Variants in FRMD3 observed in about 807,000 individuals in gnomAD.
The protein encoded by FRMD3 is FERM domain containing 3, also known as FERM domain-containing protein 3.
In FRMD3, 33 loss-of-function variants were observed where a neutral mutation model predicts 70.2. The observed-to-expected ratio is 0.47, with a 90% CI of 0.36 to 0.63. The LOEUF (loss-of-function observed/expected upper bound fraction) is 0.63. Ranked by LOEUF, FRMD3 falls within the 20% of genes least tolerant of loss-of-function variation. The pLI, the probability that FRMD3 is intolerant of heterozygous loss-of-function variation, is 0.00. For synonymous variants in FRMD3, 279 were observed against 255.9 expected, an observed-to-expected ratio of 1.09 and a Z score of -0.86; for missense variants, 632 against 711.4, an observed-to-expected ratio of 0.89 and a Z score of 1.27.
chr9:83,583,403 C>T, the FRMD3 span, among the ~76,000 whole-genome samples: 3 of 152,062 alleles, frequency 2.0e-5, no homozygotes, highest in Admixed American at 6.6e-5. Flanking sequence ...ATGCAAAAGC[C>T]TTCCCCCTGC....
intron 1 of FRMD3, among the ~76,000 whole-genome samples, chr9:83,525,010 C>G (rs1394508087): frequency 1.3e-5 from 2 of 152,134 alleles, no homozygotes. Context: ...TGTTTGTCCT[C>G]TCTTCTATTA....
At chr9:83,555,349 T>C in the FRMD3 span, among the ~76,000 whole-genome samples, 1 of 149,162 alleles carries the variant, frequency 6.7e-6, no homozygotes, top group African/African-American at 2.5e-5. Flanking sequence ...TGGGAGGTCC[T>C]ACCCAGTGAG....
intron 2 of FRMD3, among the ~76,000 whole-genome samples, chr9:83,383,105 C>A (rs1225274909): frequency 2.6e-5 from 4 of 152,140 alleles, no homozygotes; most frequent in Non-Finnish European, 5.9e-5. Flanking sequence ...GGGAGAGGAC[C>A]CCTGAGCCCT....
Position 83,529,659 on chromosome 9 carries a change from T to G in FRMD3, c.147+8426A>C, listed in dbSNP as rs144042998. 2.7e-3 allele frequency among the ~76,000 whole-genome samples: 409 copies of G among 152,310 alleles called. 1 individual carries two copies. Among genetic ancestry groups the G allele is most frequent in the African/African-American group, 9.5e-3 (393 of 41,562 alleles). On this transcript the variant is annotated intron_variant, in intron 1 of 13. Transcript: ENST00000304195. ...ACAAAAATTATATATAAATTGGACT[T>G]TATCAAAATTAAAAGCTTTTTTGAC...
chr9:83,499,465 A>G (rs1829015298), intron 1 of FRMD3, among the ~76,000 whole-genome samples: 2 of 152,212 alleles, frequency 1.3e-5, no homozygotes, highest in South Asian at 4.1e-4. Flanking sequence ...TGGGACCCAG[A>G]AACAGAATGC....
chr9:83,495,361 G>A (rs578042105), intron 1 of FRMD3, among the ~76,000 whole-genome samples: 5 of 152,292 alleles, frequency 3.3e-5, no homozygotes, highest in African/African-American at 4.8e-5. Context: ...AGTGGAAGTC[G>A]CTGGTGCCCT....
intron 3 of FRMD3, among the ~76,000 whole-genome samples, chr9:83,351,586 ATTTATC>A (rs1436931175): frequency 6.6e-6 from 1 of 152,178 alleles, no homozygotes; most frequent in Non-Finnish European, 1.5e-5. Flanking sequence ...ATACAAAATA[ATTTATC>A]TTTAAACATT....
intron 1 of FRMD3, among the ~76,000 whole-genome samples, chr9:83,525,811 TAACA>T (rs759025025): frequency 1.6e-4 from 24 of 152,082 alleles, no homozygotes; most frequent in Non-Finnish European, 3.1e-4. Context: ...GAGAGTTGCC[TAACA>T]AAGGAAAAAC....
intron 1 of FRMD3, among the ~76,000 whole-genome samples, chr9:83,522,096 T>C (rs977403116): frequency 5.9e-5 from 9 of 152,186 alleles, no homozygotes; most frequent in African/African-American, 2.2e-4. Flanking sequence ...TCACATTTTA[T>C]AGCAAGATAC....
intron 3 of FRMD3, among the ~76,000 whole-genome samples, chr9:83,371,604 G>A (rs941523533): frequency 6.6e-6 from 1 of 152,130 alleles, no homozygotes; most frequent in South Asian, 2.1e-4. Flanking sequence ...GCGTGAGCCT[G>A]GCCCGTCCTA....
the FRMD3 span, among the ~76,000 whole-genome samples, chr9:83,582,666 G>T: frequency 6.6e-6 from 1 of 152,146 alleles, no homozygotes; most frequent in Non-Finnish European, 1.5e-5. Flanking sequence ...TACTCACTTT[G>T]TATGTCCTTG....
chr9:83,409,354 A>G (rs1281467325), intron 1 of FRMD3, among the ~76,000 whole-genome samples: 5 of 152,006 alleles, frequency 3.3e-5, no homozygotes, highest in Non-Finnish European at 5.9e-5. Flanking sequence ...GCATTTATCA[A>G]ACTGGTCTTT....
In FRMD3 at chr9:83,309,602, T is replaced by C. The variant is rs761896961; in HGVS notation, c.860A>G (p.His287Arg). The C allele has an allele frequency of 5.7e-6, 9 of 1,591,960 alleles. No individual in the cohort carries two copies. The African/African-American group carries it at 6.7e-5, about 12-fold the overall frequency. Residue 287 changes from histidine to arginine, a missense_variant, in exon 10 of 14, where the codon CAT becomes CGT. Coordinates refer to ENST00000304195, the MANE Select transcript of FRMD3 (RefSeq NM_174938.6). The stretch of plus-strand genomic sequence containing the variant: ...TTTGCAGGCAGCTGGTGTTGAAGTA[T>C]GGAATGCCAACATGGCTTTTTTCTA... The part of the protein sequence containing the change: ...QKEKKAMLAF[H>R]TSTPAACKHL...
rs953547882 is a variant in FRMD3, at chr9:83,389,038, C to T, written c.252+566G>A. Among the ~76,000 whole-genome samples the T allele has an allele frequency of 3.3e-5, 5 of 151,520 alleles. No homozygotes were observed. The East Asian group carries it at 7.7e-4, about 23-fold the overall frequency. The stretch of plus-strand genomic sequence containing the variant: ...ACAGATCACTGCAGCCTTGACCTCC[C>T]AGGCTCAAGCTATTCTGCCCCACCT... On this transcript the variant is annotated intron_variant, in intron 2 of 13. Coordinates refer to ENST00000304195, the MANE Select transcript of FRMD3 (RefSeq NM_174938.6).
chr9:83,445,550 T>C (rs1827436905), intron 1 of FRMD3, among the ~76,000 whole-genome samples: 1 of 152,192 alleles, frequency 6.6e-6, no homozygotes, highest in Non-Finnish European at 1.5e-5. Context: ...AAACTGGCTT[T>C]CTCCTATTCT....
At chr9:83,447,714 A>G (rs1042138261) in intron 1 of FRMD3, among the ~76,000 whole-genome samples, 30 of 152,204 alleles carry the variant, frequency 2.0e-4, no homozygotes, top group Non-Finnish European at 1.0e-4. Context: ...GAGGGCACAG[A>G]GGCCAGAAAA....
chr9:83,432,046 C>T (rs1020846734), intron 1 of FRMD3, among the ~76,000 whole-genome samples: 2 of 152,190 alleles, frequency 1.3e-5, no homozygotes, highest in African/African-American at 4.8e-5. Context: ...TATTTATTAA[C>T]TAAACTCTTC....
chr9:83,473,613 C>T (rs923670555), intron 1 of FRMD3, among the ~76,000 whole-genome samples: 2 of 152,244 alleles, frequency 1.3e-5, no homozygotes, highest in East Asian at 3.9e-4. Context: ...TATTTTCTAT[C>T]TTAGAAACAG....
At chr9:83,518,326 G>C in intron 1 of FRMD3, among the ~76,000 whole-genome samples, 1 of 152,138 alleles carries the variant, frequency 6.6e-6, no homozygotes, top group East Asian at 1.9e-4. Flanking sequence ...AAGATCACAA[G>C]CATTCCTATA....
Sources: gnomAD v4.1 joint callset for allele counts (sites outside exome capture counted in the v4.1 genomes callset) on GRCh38, gnomAD v4.1.1 for gene constraint, MANE v1.5 for transcripts, NCBI Gene and HGNC (gene_info 2026-07-23, HGNC 2026-07-21) for gene names.